SVEP1: variants seen among roughly 807,000 people sequenced by gnomAD.
SVEP1 encodes sushi, von Willebrand factor type A, EGF and pentraxin domain-containing protein 1.
In SVEP1, 164 loss-of-function variants were observed where a neutral mutation model predicts 367.3. The observed-to-expected ratio is 0.45, with a 90% CI of 0.39 to 0.51. The LOEUF (loss-of-function observed/expected upper bound fraction) is 0.51. SVEP1 is among the 20% of genes least tolerant of loss of function. The pLI, the probability that SVEP1 is intolerant of heterozygous loss-of-function variation, is 0.00. For missense variants in SVEP1, 4,117 were observed against 4,425.3 expected (o/e 0.93, Z 1.98); for synonymous variants, 1,666 against 1,611.6 (o/e 1.03, Z -0.81).
At chr9:110,416,636 T>C (rs1377814852) in intron 36 of SVEP1, among the ~76,000 whole-genome samples, 2 of 152,020 alleles carry the variant, frequency 1.3e-5, no homozygotes, top group African/African-American at 4.8e-5. Flanking sequence ...AGGTGAAAGA[T>C]ATAAATTCTC....
intron 23 of SVEP1, among the ~76,000 whole-genome samples, chr9:110,450,588 G>C (rs1310125143): frequency 6.8e-6 from 1 of 148,064 alleles, no homozygotes; most frequent in Non-Finnish European, 1.5e-5. Flanking sequence ...TCCTGCCTCA[G>C]CCTCCTGAGT....
chr9:110,387,207 T>TC (rs1360046978), intron 42 of SVEP1, 78 bp downstream of exon 42: 1 of 1,437,766 alleles, frequency 7.0e-7, no homozygotes. Context: ...GAGTGGAGCT[T>TC]CCTCTATGTT....
rs1334925726 is a variant in SVEP1 at position 110,407,289 on chromosome 9, C to T, written c.8311G>A (p.Glu2771Lys). ...RKWSGASPRC[E>K]AISCKKPNPV... ...TTTGGCTTTTTGCATGAAATGGCTT[C>T]ACAGCGTGGGGAGGCACCACTCCAC... Residue 2771 changes from glutamate (E) to lysine (K), a missense_variant, in exon 38 of 48, where the codon GAA (glutamate) becomes AAA (lysine). Physicochemically the swap from Glu to Lys is moderately conservative, Grantham distance 56. Around this residue, in one of 4 missense-constraint regions of SVEP1, gnomAD observed 1,765 missense variants for 1,781.1 expected, o/e 0.99. Coordinates refer to ENST00000374469, the MANE Select transcript of SVEP1 (RefSeq NM_153366.4). 36 of 1,613,960 alleles carry T rather than the reference C, an allele frequency of 2.2e-5. No individual in the cohort carries two copies. Among genetic ancestry groups the T allele is most frequent in the Non-Finnish European group, 3.1e-5 (36 of 1,179,890 alleles).
At chr9:110,494,858 G>A (rs371740782) in intron 8 of SVEP1, among the ~76,000 whole-genome samples, 3 of 151,298 alleles carry the variant, frequency 2.0e-5, no homozygotes, top group Non-Finnish European at 4.4e-5. Context: ...TCATGCCTGC[G>A]CTAGAGAATC....
chr9:110,410,915 ATGATTCTTTGTTAG>A (rs1484390527), intron 37 of SVEP1, 134 bp downstream of exon 37: 1 of 615,288 alleles, frequency 1.6e-6, no homozygotes, highest in Non-Finnish European at 2.7e-6. Context: ...AAAGATTATC[ATGATTCTTTGTTAG>A]TGATAATAGT....
intron 8 of SVEP1, among the ~76,000 whole-genome samples, chr9:110,494,978 T>G (rs77346714): frequency 0.033 from 4,953 of 152,248 alleles, 126 homozygotes; most frequent in South Asian, 0.074. Context: ...CCTAGTATAT[T>G]TCTCTGGTCT....
At chr9:110,558,281 GA>G (rs1338572058) in intron 1 of SVEP1, among the ~76,000 whole-genome samples, 1 of 142,398 alleles carries the variant, frequency 7.0e-6, no homozygotes, top group African/African-American at 2.6e-5. Flanking sequence ...CAGATTGATT[GA>G]GCCCAGGAGT....
intron 30 of SVEP1, among the ~76,000 whole-genome samples, chr9:110,433,445 C>T (rs1177345838): frequency 6.8e-6 from 1 of 145,990 alleles, no homozygotes; most frequent in Non-Finnish European, 1.5e-5. Flanking sequence ...TAGCCTCCAC[C>T]TAACCCTCAT....
intron 41 of SVEP1, among the ~76,000 whole-genome samples, chr9:110,388,214 G>A (rs1371732768): frequency 6.6e-6 from 1 of 152,144 alleles, no homozygotes; most frequent in South Asian, 2.1e-4. Flanking sequence ...ATTTTATATG[G>A]CTTTTGAGGA....
chr9:110,377,204 C>T (rs745962049), intron 45 of SVEP1, 67 bp downstream of exon 45: 35 of 1,446,194 alleles, frequency 2.4e-5, no homozygotes, highest in Non-Finnish European at 2.9e-5. Context: ...TTCCTGGTAA[C>T]TCCCCTCAGG....
At chr9:110,415,851 G>A (rs1365336615) in intron 36 of SVEP1, among the ~76,000 whole-genome samples, 1 of 152,016 alleles carries the variant, frequency 6.6e-6, no homozygotes, top group Non-Finnish European at 1.5e-5. Context: ...TGCTATGGTT[G>A]ACCTTGGATT....
chr9:110,366,198 T>G lies in SVEP1; in HGVS notation c.*341A>C, dbSNP rs1020903002. On this transcript the variant is annotated 3_prime_UTR_variant, in exon 48 of 48. Coordinates refer to ENST00000374469, the MANE Select transcript of SVEP1 (RefSeq NM_153366.4). Reference sequence around the variant, plus strand: ...ATATTATTTAGTAGCAAAATATACTTTAATGGAAAAATCATTTTAAGTAAC... The same window carrying G: ...ATATTATTTAGTAGCAAAATATACTGTAATGGAAAAATCATTTTAAGTAAC... 13 of 214,684 alleles carry G rather than the reference T, an allele frequency of 6.1e-5. No homozygotes were observed. Among genetic ancestry groups the G allele is most frequent in the Non-Finnish European group, 1.0e-4 (11 of 109,898 alleles). The allele number at this position is 214,684 out of a possible 1,614,324, so 13.3% of individuals were successfully genotyped here. A position where few individuals can be genotyped will look rare whatever the true frequency, so the allele number is the denominator to read the frequency against.
chr9:110,574,907 G>A (rs999663777), intron 1 of SVEP1, among the ~76,000 whole-genome samples: 152 of 151,732 alleles, frequency 1.0e-3, no homozygotes, highest in Non-Finnish European at 6.5e-4. Context: ...CACCACGCCC[G>A]GCTAATTTTT....
chr9:110,410,223 T>C (rs1192089350), intron 37 of SVEP1, among the ~76,000 whole-genome samples: 1 of 152,226 alleles, frequency 6.6e-6, no homozygotes, highest in East Asian at 1.9e-4. Context: ...AAAAAGTGTT[T>C]AATTAGAATA....
At position 110,431,841 on chromosome 9, in the gene SVEP1, T is replaced by C. The variant is rs1045179222; in HGVS notation, c.5353+74A>G. The stretch of plus-strand genomic sequence containing the variant: ...TTGAAACAATTATCTCACTTAGAAA[T>C]AACATACACTTAAAATATGTACTTG... On this transcript the variant is annotated intron_variant, in intron 32 of 47. Coordinates refer to ENST00000374469, the MANE Select transcript of SVEP1 (RefSeq NM_153366.4). The C allele has an allele frequency of 2.5e-6, 4 of 1,569,320 alleles. No individual in the cohort carries two copies. In the African/African-American group the frequency reaches 4.1e-5, roughly 16 times the overall value.
At chr9:110,521,447 C>A (rs1829874477) in intron 3 of SVEP1, among the ~76,000 whole-genome samples, 1 of 152,196 alleles carries the variant, frequency 6.6e-6, no homozygotes, top group Non-Finnish European at 1.5e-5. Context: ...CACGCTCAGA[C>A]TTGCCAGGAG....
At chr9:110,390,290 C>G (rs1236892601) in intron 40 of SVEP1, among the ~76,000 whole-genome samples, 2 of 16,974 alleles carry the variant, frequency 1.2e-4, no homozygotes, top group African/African-American at 1.1e-3. Context: ...TATATACATA[C>G]TTATATATAC....
At chr9:110,483,522 A>C in intron 10 of SVEP1, 64 bp downstream of exon 10, 1 of 1,166,408 alleles carries the variant, frequency 8.6e-7, no homozygotes, top group Non-Finnish European at 1.2e-6. Context: ...CCCATTAAAA[A>C]GCTTTTTAAA....
intron 1 of SVEP1, among the ~76,000 whole-genome samples, chr9:110,566,557 A>G (rs779490806): frequency 1.6e-4 from 25 of 152,136 alleles, no homozygotes; most frequent in Non-Finnish European, 3.2e-4. Context: ...TGCAACCAAC[A>G]TTTTATGCAG....
Sources: gnomAD v4.1 joint callset for allele counts (sites outside exome capture counted in the v4.1 genomes callset) on GRCh38, gnomAD v4.1.1 for gene constraint, gnomAD v4.1.1 regional missense constraint, MANE v1.5 for transcripts, NCBI Gene and HGNC (gene_info 2026-07-23, HGNC 2026-07-21) for gene names.